The following ZKSCAN3 variants were observed in gnomAD, a reference collection of about 807,000 sequenced individuals.
The protein encoded by ZKSCAN3 is zinc finger with KRAB and SCAN domains 3, also known as zinc finger protein with KRAB and SCAN domains 3.
Under a neutral mutation model 30.7 loss-of-function variants are expected in ZKSCAN3, and 21 were observed. That is an observed-to-expected ratio of 0.68 (90% CI 0.49 to 0.99). The LOEUF is 0.99. ZKSCAN3 is among the 50% of genes least tolerant of loss of function. The pLI, the probability that ZKSCAN3 is intolerant of heterozygous loss-of-function variation, is 0.00. For synonymous variants in ZKSCAN3, 201 were observed against 246.7 expected, an observed-to-expected ratio of 0.81 and a Z score of 1.73; for missense variants, 507 against 647.1, an observed-to-expected ratio of 0.78 and a Z score of 2.35.
chr6:28,355,457 T>G (rs1170552055), intron 1 of ZKSCAN3: 1 of 152,208 alleles, frequency 6.6e-6, no homozygotes, highest in Admixed American at 6.5e-5. Flanking sequence ...CCTTCCAAAG[T>G]TGGGACCAAA....
In ZKSCAN3 at chr6:28,366,165, A is replaced by G. The variant is rs760791268; in HGVS notation, c.1497A>G (p.Gln499=). 2 of 1,598,588 alleles carry G rather than the reference A, an allele frequency of 1.3e-6. No homozygotes were observed. The highest frequency in any genetic ancestry group is 1.7e-4 in the Middle Eastern group (1 of 5,982). ...AGAATACAGGCCTCATTGAACATCA[A>G]AAAATCCACACTGGTGAGAAACCCT... ...FTQNTGLIEH[Q]KIHTGEKPYQ... The change falls in exon 6 of 6, where the codon CAA becomes CAG. Residue 499 remains glutamine (Q), a synonymous_variant. Transcript: ENST00000252211.
In ZKSCAN3 at chr6:28,368,779, C is replaced by T. The variant is rs568016810; in HGVS notation, c.*2494C>T. 1 of 155,222 alleles carries T rather than the reference C, an allele frequency of 6.4e-6. No homozygotes were observed. Among genetic ancestry groups the T allele is most frequent in the South Asian group, 2.0e-4 (1 of 4,918 alleles). The allele number at this position is 155,222 out of a possible 1,614,324, so 9.6% of individuals were successfully genotyped here. On this transcript the variant is annotated 3_prime_UTR_variant, in exon 6 of 6. Transcript: ENST00000252211. ...TGTGACAACTGTGGAAAGACAGTTCCTTTTTTGTTAGTATCACTTCTACTT... is the reference window on the plus strand; with the variant it reads ...TGTGACAACTGTGGAAAGACAGTTCTTTTTTTGTTAGTATCACTTCTACTT...
Position 28,365,845 on chromosome 6 carries a change from A to G in ZKSCAN3, c.1177A>G (p.Thr393Ala), listed in dbSNP as rs150709352. The G allele has an allele frequency of 1.1e-5, 17 of 1,613,994 alleles. No individual in the cohort carries two copies. In the African/African-American group the frequency reaches 2.3e-4, roughly 22 times the overall value. ...SDLIKHQRTHTGEKPYECDDC... is the reference protein window; with the variant it reads ...SDLIKHQRTHAGEKPYECDDC... Reference sequence around the variant, plus strand: ...CCTTATCAAGCATCAGAGAACCCACACTGGGGAGAAGCCCTATGAGTGTGA... The same window carrying G: ...CCTTATCAAGCATCAGAGAACCCACGCTGGGGAGAAGCCCTATGAGTGTGA... The change falls in exon 6 of 6, where the codon ACT (threonine) becomes GCT (alanine). Residue 393 changes from threonine (T) to alanine (A), a missense_variant. Transcript: ENST00000252211.
chr6:28,359,670 G>A lies in ZKSCAN3; in HGVS notation c.84G>A (p.Glu28=). Residue 28 remains glutamate, a synonymous_variant, in exon 2 of 6, where the codon GAG becomes GAA. Coordinates refer to ENST00000252211, the MANE Select transcript of ZKSCAN3 (RefSeq NM_024493.4). Reference sequence around the variant, plus strand: ...TGGAGCTTCTGGTCATAAAGGTGGAGGAAGAAGAAGCCGGTTTTCCCAGTA... The same window carrying A: ...TGGAGCTTCTGGTCATAAAGGTGGAAGAAGAAGAAGCCGGTTTTCCCAGTA... ...DQMELLVIKV[E]EEEAGFPSSP... 1 of 1,614,230 alleles carries A rather than the reference G, an allele frequency of 6.2e-7. No individual in the cohort carries two copies. Among genetic ancestry groups the A allele is most frequent in the Non-Finnish European group, 8.5e-7 (1 of 1,180,046 alleles).
Position 28,366,456 on chromosome 6 carries a change from G to T in ZKSCAN3, c.*171G>T, listed in dbSNP as rs1348908640. On this transcript the variant is annotated 3_prime_UTR_variant, in exon 6 of 6. Transcript: ENST00000252211. ...AAATTATCTTCTAAGTTCTAGAAGG[G>T]GTTTGTAATCAAAACATATTTGATA... 7.3e-6 allele frequency: 5 copies of T among 681,358 alleles called. No homozygotes were observed. The East Asian group carries it at 9.0e-5, about 12-fold the overall frequency. The allele number at this position is 681,358 out of a possible 1,614,324, so 42.2% of individuals were successfully genotyped here. A position where few individuals can be genotyped will look rare whatever the true frequency, so the allele number is the denominator to read the frequency against.
chr6:28,360,784 G>C, intron 2 of ZKSCAN3: 1 of 983,698 alleles, frequency 1.0e-6, no homozygotes, highest in Non-Finnish European at 1.2e-6. Context: ...TATAAAGGAT[G>C]TGGGAAATTC....
intron 2 of ZKSCAN3, 86 bp from the exon 3 acceptor site, chr6:28,361,238 A>G: frequency 3.6e-6 from 5 of 1,402,646 alleles, no homozygotes; most frequent in Non-Finnish European, 4.9e-6. Flanking sequence ...AACATTTATA[A>G]TGCTCTTGGA....
In ZKSCAN3 at chr6:28,365,443, A is replaced by G; in HGVS notation, c.775A>G (p.Lys259Glu). 1 of 1,609,538 alleles carries G rather than the reference A, an allele frequency of 6.2e-7. No homozygotes were observed. The highest frequency in any genetic ancestry group is 8.5e-7 in the Non-Finnish European group (1 of 1,178,172). Residue 259 changes from lysine (K) to glutamate (E), a missense_variant, in exon 6 of 6, where the codon AAG (lysine) becomes GAG (glutamate). Physicochemically the swap from Lys to Glu is moderately conservative, Grantham distance 56 (BLOSUM62 1). Transcript: ENST00000252211. Reference sequence around the variant, plus strand: ...TGTTTCAGGTGATGAAAAACAGACTAAGAGCAGGGACTTGCCTCCAGCTGA... The same window carrying G: ...TGTTTCAGGTGATGAAAAACAGACTGAGAGCAGGGACTTGCCTCCAGCTGA... ...LVSLGDEKQT[K>E]SRDLPPAEEL...
In ZKSCAN3 at chr6:28,351,217, G is replaced by C. The variant is rs150652093; in HGVS notation, c.-63+1150G>C. On this transcript the variant is annotated intron_variant, in intron 1 of 5. Transcript: ENST00000252211. This position sits in a 1 kb window ranked among gnomAD's most constrained non-coding sequence, Gnocchi z 4.6. ...ATCTTGTGCCTTCCCACTGTGATCAGTTTGGCTCAGATCCAAGTAGGGGCC... is the reference window on the plus strand; with the variant it reads ...ATCTTGTGCCTTCCCACTGTGATCACTTTGGCTCAGATCCAAGTAGGGGCC... Among the ~76,000 whole-genome samples, 195 of 152,272 alleles carry C rather than the reference G, an allele frequency of 1.3e-3. 6 individuals carry two copies. In the South Asian group the frequency reaches 0.034, roughly 27 times the overall value.
At chr6:28,353,025 G>A (rs560982172) in intron 1 of ZKSCAN3, among the ~76,000 whole-genome samples, 2 of 149,262 alleles carry the variant, frequency 1.3e-5, no homozygotes, top group Non-Finnish European at 3.0e-5. Context: ...TGCAGGTGCA[G>A]TGGTGCGATC....
chr6:28,361,617 C>A, intron 3 of ZKSCAN3, 146 bp downstream of exon 3: 3 of 907,100 alleles, frequency 3.3e-6, no homozygotes, highest in Non-Finnish European at 4.7e-6. Flanking sequence ...GGAGTATTTC[C>A]AACATAATGA....
intron 1 of ZKSCAN3, among the ~76,000 whole-genome samples, chr6:28,354,969 A>C (rs1765325590): frequency 6.6e-6 from 1 of 152,212 alleles, no homozygotes; most frequent in African/African-American, 2.4e-5. Context: ...TCAGTTTATT[A>C]GCTACTTTGT....
At position 28,366,079 on chromosome 6, in the gene ZKSCAN3, T is replaced by A; in HGVS notation, c.1411T>A (p.Leu471Met). The stretch of plus-strand genomic sequence containing the variant: ...CTGGAAAAGTAGGATGGAAAGCCAG[T>A]TGGAAAATGTTGAAACTCCCATGTC... Reference protein sequence around the residue: ...EAWKSRMESQLENVETPMSYK... With the variant: ...EAWKSRMESQMENVETPMSYK... The change falls in exon 6 of 6, where the codon TTG becomes ATG. Residue 471 changes from leucine to methionine, a missense_variant. Coordinates refer to ENST00000252211, the MANE Select transcript of ZKSCAN3 (RefSeq NM_024493.4). 1 of 1,608,522 alleles carries A rather than the reference T, an allele frequency of 6.2e-7. No individual in the cohort carries two copies. Among genetic ancestry groups the A allele is most frequent in the Non-Finnish European group, 8.5e-7 (1 of 1,177,818 alleles).
intron 1 of ZKSCAN3, among the ~76,000 whole-genome samples, chr6:28,352,868 T>C (rs1339827214): frequency 1.3e-5 from 2 of 152,178 alleles, no homozygotes; most frequent in Non-Finnish European, 2.9e-5. Flanking sequence ...CTGTAGAGAG[T>C]TGGACTGAGG....
chr6:28,360,472 T>C, intron 2 of ZKSCAN3: 1 of 693,444 alleles, frequency 1.4e-6, no homozygotes, highest in Non-Finnish European at 1.8e-6. Context: ...AAAGACTAGT[T>C]AAAAATAAGA....
chr6:28,363,474 CA>C lies in ZKSCAN3; in HGVS notation c.633+91del, dbSNP rs1394959678. ...CCTCACTCCCCATTCCCCTCCACCC[CA>C]ATCCTAGATCCTCCATACAGATCTC... On this transcript the variant is annotated intron_variant, in intron 4 of 5. Coordinates refer to ENST00000252211, the MANE Select transcript of ZKSCAN3 (RefSeq NM_024493.4). 7.3e-6 allele frequency: 10 copies of C among 1,373,420 alleles called. No individual in the cohort carries two copies. The African/African-American group carries it at 1.3e-4, about 18-fold the overall frequency. 85.1% of individuals were successfully genotyped at this position (1,373,420 alleles called of 1,614,324 possible). A position where few individuals can be genotyped will look rare whatever the true frequency, so the allele number is the denominator to read the frequency against.
chr6:28,368,188 G>A lies in ZKSCAN3; in HGVS notation c.*1903G>A, dbSNP rs935030139. 2 of 152,116 alleles carry A rather than the reference G, an allele frequency of 1.3e-5. No individual in the cohort carries two copies. The highest frequency in any genetic ancestry group is 4.8e-5 in the African/African-American group (2 of 41,398). The allele number at this position is 152,116 out of a possible 1,614,324, so 9.4% of individuals were successfully genotyped here. On this transcript the variant is annotated 3_prime_UTR_variant, in exon 6 of 6. Coordinates refer to ENST00000252211, the MANE Select transcript of ZKSCAN3 (RefSeq NM_024493.4). ...GAATGATGAGACGAGGTTTCACTGT[G>A]TTAGCCAGGATGCTCTCGATCTCCT...
Position 28,365,809 on chromosome 6 carries a change from C to G in ZKSCAN3, c.1141C>G (p.His381Asp). The change falls in exon 6 of 6, where the codon CAT becomes GAT. Residue 381 changes from histidine to aspartate, a missense_variant. Transcript: ENST00000252211. ...ECEECGKAFS[H>D]SSDLIKHQRT... Reference sequence around the variant, plus strand: ...TGAAGAATGTGGTAAGGCCTTCAGTCATAGCTCAGACCTTATCAAGCATCA... The same window carrying G: ...TGAAGAATGTGGTAAGGCCTTCAGTGATAGCTCAGACCTTATCAAGCATCA... 1 of 1,614,220 alleles carries G rather than the reference C, an allele frequency of 6.2e-7. No homozygotes were observed. The highest frequency in any genetic ancestry group is 8.5e-7 in the Non-Finnish European group (1 of 1,180,042).
In ZKSCAN3 at chr6:28,366,389, C is replaced by G. The variant is rs997117861; in HGVS notation, c.*104C>G. On this transcript the variant is annotated 3_prime_UTR_variant, in exon 6 of 6. Transcript: ENST00000252211. ...ATTGTGGGCTGGGCTTTATTTACCA[C>G]TACACATTATCAGGTGTTAGAAAAT... The G allele has an allele frequency of 8.0e-6, 10 of 1,257,396 alleles. No homozygotes were observed. The African/African-American group carries it at 1.3e-4, about 17-fold the overall frequency. 77.9% of individuals were successfully genotyped at this position (1,257,396 alleles called of 1,614,324 possible). A position where few individuals can be genotyped will look rare whatever the true frequency, so the allele number is the denominator to read the frequency against.
Sources: gnomAD v4.1 joint callset for allele counts (sites outside exome capture counted in the v4.1 genomes callset) on GRCh38, gnomAD v4.1.1 for gene constraint, Gnocchi (gnomAD v3.1) non-coding constraint, MANE v1.5 for transcripts, NCBI Gene and HGNC (gene_info 2026-07-23, HGNC 2026-07-21) for gene names.